The following XXYLT1 variants were observed in gnomAD, a reference collection of about 807,000 sequenced individuals.
The protein encoded by XXYLT1 is UDP-xylose:alpha-xyloside alpha-1,3-xylosyltransferase.
Under a neutral mutation model 28.9 loss-of-function variants are expected in XXYLT1, and 20 were observed. The ratio of observed to expected loss-of-function variants is 0.69; its 90% confidence interval spans 0.49 to 1.00. The LOEUF (loss-of-function observed/expected upper bound fraction) is 1.00. XXYLT1 is among the 50% of genes least tolerant of loss of function. The pLI is 0.00. For synonymous variants in XXYLT1, 257 were observed against 253.8 expected (o/e 1.01, Z -0.12); for missense variants, 542 against 560.1 (o/e 0.97, Z 0.33).
chr3:195,161,922 G>A (rs944032884), intron 2 of XXYLT1, among the ~76,000 whole-genome samples: 3 of 151,864 alleles, frequency 2.0e-5, no homozygotes, highest in African/African-American at 7.3e-5. Flanking sequence ...CCAGCCCTGA[G>A]ATTAATATTA....
intron 2 of XXYLT1, among the ~76,000 whole-genome samples, chr3:195,205,767 G>C (rs1331266898): frequency 6.6e-6 from 1 of 152,218 alleles, no homozygotes; most frequent in African/African-American, 2.4e-5. Context: ...GGAGGCTGAG[G>C]CAGGAGAATC....
In XXYLT1 at chr3:195,110,400, GTGTGTATAAGTGCGTC is replaced by G. The variant is rs1383730831; in HGVS notation, c.786-40305_786-40290del. ...TGTATAAGTGTGTGTGGTGTGTTAT[GTGTGTATAAGTGCGTC>G]TGTGGTGTATGTGTGCGTGTGTATG... On this transcript the variant is annotated intron_variant, in intron 3 of 3. Coordinates refer to ENST00000310380, the MANE Select transcript of XXYLT1 (RefSeq NM_152531.5). Among the ~76,000 whole-genome samples the G allele has an allele frequency of 5.1e-4, 9 of 17,764 alleles. 1 individual carries two copies. The highest frequency in any genetic ancestry group is 1.6e-3 in the African/African-American group (9 of 5,510). 11.7% of individuals were successfully genotyped at this position (17,764 alleles called of 152,430 possible). A position where few individuals can be genotyped will look rare whatever the true frequency, so the allele number is the denominator to read the frequency against.
At chr3:195,169,275 A>G (rs1412905174) in intron 2 of XXYLT1, among the ~76,000 whole-genome samples, 1 of 152,254 alleles carries the variant, frequency 6.6e-6, no homozygotes, top group Non-Finnish European at 1.5e-5. Context: ...GCCGGGTCCA[A>G]GGGGAAGTCT....
chr3:195,179,210 C>T (rs956599670), intron 2 of XXYLT1, among the ~76,000 whole-genome samples: 4 of 151,972 alleles, frequency 2.6e-5, no homozygotes, highest in Non-Finnish European at 5.9e-5. Context: ...CATGGTGGCA[C>T]GTGCCTGTAA....
chr3:195,099,133 C>T (rs1240896278), intron 3 of XXYLT1, among the ~76,000 whole-genome samples: 4 of 152,268 alleles, frequency 2.6e-5, no homozygotes, highest in Admixed American at 1.3e-4. Flanking sequence ...AGACAGACAC[C>T]GCGTTCTCAA....
chr3:195,265,113 T>A (rs1725805942), intron 1 of XXYLT1, among the ~76,000 whole-genome samples: 1 of 151,264 alleles, frequency 6.6e-6, no homozygotes, highest in Admixed American at 6.6e-5. Context: ...CTCACATTTG[T>A]AATGCCAGCA....
chr3:195,258,562 A>T lies in XXYLT1; in HGVS notation c.504+11993T>A, dbSNP rs1057277657. Among the ~76,000 whole-genome samples, 28 of 152,192 alleles carry T rather than the reference A, an allele frequency of 1.8e-4. 1 individual carries two copies. The highest frequency in any genetic ancestry group is 1.6e-3 in the Admixed American group (25 of 15,284). Reference sequence around the variant, plus strand: ...GAGGCGACTCTGTCATCTACACAAGACTACAAAGGCTTCATCATCCTGACA... The same window carrying T: ...GAGGCGACTCTGTCATCTACACAAGTCTACAAAGGCTTCATCATCCTGACA... On this transcript the variant is annotated intron_variant, in intron 1 of 3. Transcript: ENST00000310380.
intron 2 of XXYLT1, among the ~76,000 whole-genome samples, chr3:195,216,264 G>A (rs1228936999): frequency 6.7e-6 from 1 of 149,454 alleles, no homozygotes; most frequent in East Asian, 2.0e-4. Flanking sequence ...AGAAAAGCAA[G>A]AGCAAACACA....
In XXYLT1 at chr3:195,115,312, A is replaced by C. The variant is rs1717986883; in HGVS notation, c.785+41137T>G. Among the ~76,000 whole-genome samples, 1 of 152,060 alleles carries C rather than the reference A, an allele frequency of 6.6e-6. No homozygotes were observed. The highest frequency in any genetic ancestry group is 1.5e-5 in the Non-Finnish European group (1 of 68,014). ...GGGCAGTGGTGGTGATTTCTGTCCA[A>C]ACTCCATAATCCTCAGACCTCAACT... On this transcript the variant is annotated intron_variant, in intron 3 of 3. Transcript: ENST00000310380. This position sits in a 1 kb window ranked among gnomAD's most constrained non-coding sequence, Gnocchi z 4.2.
intron 3 of XXYLT1, among the ~76,000 whole-genome samples, chr3:195,139,438 T>G (rs1442365381): frequency 2.6e-5 from 4 of 152,160 alleles, no homozygotes; most frequent in Non-Finnish European, 5.9e-5. Flanking sequence ...TACGGATCTC[T>G]CATCTCTGTC....
chr3:195,270,341 G>A, intron 1 of XXYLT1: 5 of 1,137,506 alleles, frequency 4.4e-6, no homozygotes, highest in South Asian at 2.1e-5. Context: ...CATTAAAAAC[G>A]CAGCTCCACT....
At chr3:195,227,304 A>G (rs1200472205) in intron 1 of XXYLT1, among the ~76,000 whole-genome samples, 2 of 152,158 alleles carry the variant, frequency 1.3e-5, no homozygotes, top group Non-Finnish European at 2.9e-5. Context: ...TGGCCACTGC[A>G]TCTGTTCCAT....
rs888199163 is a variant in XXYLT1, at chr3:195,173,886, G to T, written c.653-17305C>A. Among the ~76,000 whole-genome samples the T allele has an allele frequency of 6.6e-6, 1 of 152,188 alleles. No homozygotes were observed. The highest frequency in any genetic ancestry group is 1.5e-5 in the Non-Finnish European group (1 of 68,042). On this transcript the variant is annotated intron_variant, in intron 2 of 3. Transcript: ENST00000310380. The surrounding 1 kb of genome is among the most constrained non-coding windows in gnomAD (Gnocchi z 4.3). ...GGAATTGTGGAGATGTCATTGCTGG[G>T]GTCTTCCCCAGGTCACGAGACTAAG...
In XXYLT1 at chr3:195,098,711, G is replaced by A. The variant is rs368501446; in HGVS notation, c.786-28600C>T. Among the ~76,000 whole-genome samples the A allele has an allele frequency of 4.6e-5, 7 of 152,246 alleles. No homozygotes were observed. In the South Asian group the frequency reaches 6.2e-4, roughly 13 times the overall value. On this transcript the variant is annotated intron_variant, in intron 3 of 3. Transcript: ENST00000310380. ...TGCGCTGGCCCCTGCTGCAGAGCCC[G>A]TCATCAGAAGAAAGTGATTTTTTTC...
At chr3:195,110,899 GT>G (rs1717669198) in intron 3 of XXYLT1, among the ~76,000 whole-genome samples, 1 of 41,948 alleles carries the variant, frequency 2.4e-5, no homozygotes. Flanking sequence ...GTGTGTGTGG[GT>G]GAGGTGTGTG....
chr3:195,223,408 C>G (rs1353077083), intron 2 of XXYLT1, among the ~76,000 whole-genome samples: 1 of 152,246 alleles, frequency 6.6e-6, no homozygotes. Flanking sequence ...TCTGACCCAG[C>G]CCTCCTGGGT....
At chr3:195,204,021 G>A (rs1055050840) in intron 2 of XXYLT1, among the ~76,000 whole-genome samples, 1 of 152,200 alleles carries the variant, frequency 6.6e-6, no homozygotes. Flanking sequence ...TTCTAATAGA[G>A]CTTAGAATTC....
At chr3:195,252,725 C>CAGAG (rs1366490007) in intron 1 of XXYLT1, among the ~76,000 whole-genome samples, 11 of 129,038 alleles carry the variant, frequency 8.5e-5, no homozygotes, top group African/African-American at 2.6e-4. Context: ...CACACACACA[C>CAGAG]ACAGAGAGAG....
chr3:195,244,424 A>G (rs1161796358), intron 1 of XXYLT1, among the ~76,000 whole-genome samples: 6 of 152,136 alleles, frequency 3.9e-5, no homozygotes, highest in African/African-American at 1.4e-4. Flanking sequence ...GAGCACAGAG[A>G]TTCTGAGTCA....
Sources: gnomAD v4.1 joint callset for allele counts (sites outside exome capture counted in the v4.1 genomes callset) on GRCh38, gnomAD v4.1.1 for gene constraint, Gnocchi (gnomAD v3.1) non-coding constraint, MANE v1.5 for transcripts, NCBI Gene and HGNC (gene_info 2026-07-23, HGNC 2026-07-21) for gene names.